Variants in NRG3 observed in about 807,000 individuals in gnomAD.
The protein encoded by NRG3 is pro-neuregulin-3, membrane-bound isoform.
In NRG3, 31 loss-of-function variants were observed where a neutral mutation model predicts 66.9. The ratio of observed to expected loss-of-function variants is 0.46; its 90% CI spans 0.35 to 0.63. NRG3 has a LOEUF of 0.63. Ranked by LOEUF, NRG3 falls within the 20% of genes least tolerant of loss-of-function variation. NRG3 has a pLI of 0.00. For missense variants in NRG3, 910 were observed against 878.9 expected, an observed-to-expected ratio of 1.04 and a Z score of -0.45; for synonymous variants, 393 against 359.4, an observed-to-expected ratio of 1.09 and a Z score of -1.06.
chr10:82,717,373 A>G (rs1008023652), intron 2 of NRG3, among the ~76,000 whole-genome samples: 1 of 149,946 alleles, frequency 6.7e-6, no homozygotes, highest in Non-Finnish European at 1.5e-5. Flanking sequence ...AATATATAAA[A>G]TGAAGCATTG....
chr10:82,344,881 A>G (rs1376505520), intron 1 of NRG3, among the ~76,000 whole-genome samples: 5 of 117,940 alleles, frequency 4.2e-5, no homozygotes, highest in Non-Finnish European at 7.8e-5. Context: ...GTGTCCGTTC[A>G]TGTCCTTCGC....
At chr10:82,467,680 C>T (rs534728150) in intron 2 of NRG3, among the ~76,000 whole-genome samples, 4 of 152,152 alleles carry the variant, frequency 2.6e-5, no homozygotes, top group East Asian at 1.9e-4. Flanking sequence ...TGACTTGTGA[C>T]GATGGATGTC....
At chr10:82,454,941 A>G (rs1009276036) in intron 2 of NRG3, among the ~76,000 whole-genome samples, 12 of 152,214 alleles carry the variant, frequency 7.9e-5, no homozygotes, top group Non-Finnish European at 1.3e-4. Flanking sequence ...CCTGTGAGGT[A>G]GATAATAATA....
At chr10:82,858,178 G>T (rs966993181) in intron 3 of NRG3, among the ~76,000 whole-genome samples, 1 of 152,130 alleles carries the variant, frequency 6.6e-6, no homozygotes, top group African/African-American at 2.4e-5. Context: ...ACCCTATTCC[G>T]CTGTCCTTTG....
chr10:82,597,612 T>C (rs1021613571), intron 2 of NRG3, among the ~76,000 whole-genome samples: 3 of 152,194 alleles, frequency 2.0e-5, no homozygotes, highest in African/African-American at 7.2e-5. Flanking sequence ...TTTATCTCTC[T>C]TCTTATGTGC....
In NRG3 at chr10:82,043,013, A is replaced by G. The variant is rs897041251; in HGVS notation, c.823+166850A>G. ...TTTATTCTGCTATATTTGTCATTAG[A>G]TATGTAGACAGTTTCATGCCTGCTC... On this transcript the variant is annotated intron_variant, in intron 1 of 8. Transcript: ENST00000372141. Among the ~76,000 whole-genome samples the G allele has an allele frequency of 5.9e-5, 9 of 152,110 alleles. 1 individual carries two copies. The South Asian group carries it at 8.3e-4, about 14-fold the overall frequency.
chr10:82,350,896 CT>C (rs34056865), intron 1 of NRG3, among the ~76,000 whole-genome samples: 53,564 of 144,078 alleles, frequency 0.37, 13,661 homozygotes, highest in African/African-American at 0.72. Context: ...GTTAACTCTT[CT>C]TTTTTTTTTT....
intron 3 of NRG3, among the ~76,000 whole-genome samples, chr10:82,784,837 C>T (rs867599554): frequency 8.1e-4 from 123 of 152,174 alleles, no homozygotes; most frequent in African/African-American, 2.7e-3. Context: ...CCATTTGACC[C>T]AGCCATCCCA....
chr10:82,254,647 A>T (rs968348133), intron 1 of NRG3, among the ~76,000 whole-genome samples: 1 of 145,538 alleles, frequency 6.9e-6, no homozygotes, highest in African/African-American at 2.5e-5. Flanking sequence ...GCTAAAAACA[A>T]AACAAATACA....
chr10:81,901,569 T>A (rs1344275912), intron 1 of NRG3, among the ~76,000 whole-genome samples: 1 of 152,132 alleles, frequency 6.6e-6, no homozygotes, highest in East Asian at 1.9e-4. Flanking sequence ...CTTAGGAGGC[T>A]GAGGCGGGAG....
intron 1 of NRG3, among the ~76,000 whole-genome samples, chr10:82,349,673 G>T (rs1482948903): frequency 1.3e-5 from 2 of 151,996 alleles, no homozygotes; most frequent in South Asian, 4.2e-4. Flanking sequence ...CCTCGCTGCC[G>T]CCTTGCAGTT....
intron 2 of NRG3, among the ~76,000 whole-genome samples, chr10:82,444,833 C>A (rs965831085): frequency 3.9e-5 from 6 of 152,184 alleles, no homozygotes; most frequent in Admixed American, 3.9e-4. Context: ...AAGAGTGCTA[C>A]AGGTCAAATC....
intron 1 of NRG3, among the ~76,000 whole-genome samples, chr10:82,108,825 G>C (rs996621361): frequency 6.6e-6 from 1 of 152,214 alleles, no homozygotes; most frequent in Admixed American, 6.5e-5. Context: ...TCAGGCAGAA[G>C]AGTACCATGT....
At chr10:82,279,052 A>C (rs988529895) in intron 1 of NRG3, among the ~76,000 whole-genome samples, 9 of 152,136 alleles carry the variant, frequency 5.9e-5, no homozygotes, top group African/African-American at 2.2e-4. Context: ...AGTTGTGTGG[A>C]TACAGGAGTC....
chr10:82,488,333 G>A (rs948845518), intron 2 of NRG3, among the ~76,000 whole-genome samples: 1 of 152,122 alleles, frequency 6.6e-6, no homozygotes, highest in Non-Finnish European at 1.5e-5. Context: ...ACTTCTAGAG[G>A]ACACGTAGTT....
chr10:81,961,715 G>C (rs1850381166), intron 1 of NRG3, among the ~76,000 whole-genome samples: 1 of 152,180 alleles, frequency 6.6e-6, no homozygotes, highest in Non-Finnish European at 1.5e-5. Flanking sequence ...CTTTGTAAAA[G>C]GTCTGTGATA....
intron 2 of NRG3, among the ~76,000 whole-genome samples, chr10:82,599,182 A>G (rs1295406181): frequency 6.6e-6 from 1 of 152,262 alleles, no homozygotes. Flanking sequence ...TAGTGGCTAC[A>G]GAAGGAGACA....
intron 2 of NRG3, among the ~76,000 whole-genome samples, chr10:82,463,191 A>G (rs1240008091): frequency 1.3e-5 from 2 of 152,206 alleles, no homozygotes; most frequent in Admixed American, 6.5e-5. Context: ...GACAGATGGC[A>G]GGCGGTTATT....
intron 4 of NRG3, among the ~76,000 whole-genome samples, chr10:82,942,849 A>C (rs1848689556): frequency 6.6e-6 from 1 of 152,210 alleles, no homozygotes; most frequent in South Asian, 2.1e-4. Flanking sequence ...TGTGAAAGAC[A>C]GAGCCCATTC....
Sources: allele counts gnomAD v4.1 joint callset (sites outside exome capture counted in the v4.1 genomes callset), GRCh38; gene constraint gnomAD v4.1.1; transcripts MANE v1.5; gene names NCBI Gene and HGNC (gene_info 2026-07-23, HGNC 2026-07-21).